ABCC6: variants seen among roughly 807,000 people sequenced by gnomAD.
ABCC6 encodes ATP-binding cassette sub-family C member 6.
A neutral mutation model predicts 169.5 loss-of-function variants in ABCC6; 126 were observed. The ratio of observed to expected loss-of-function variants is 0.74; its 90% CI spans 0.64 to 0.86. The LOEUF (loss-of-function observed/expected upper bound fraction) is 0.86. Among genes scored for constraint, ABCC6 ranks in the 40% least tolerant of loss-of-function variants. ABCC6 has a pLI of 0.00. For missense variants in ABCC6, 1,733 were observed against 1,927.2 expected (o/e 0.90, Z 1.89); for synonymous variants, 752 against 814.7 (o/e 0.92, Z 1.31).
Position 16,165,699 on chromosome 16 carries a change from C to G in ABCC6, c.3230G>C (p.Ser1077Thr), listed in dbSNP as rs1339178870. ...LMYAFGLLEV[S>T]LVVAVATPLA... Reference sequence around the variant, plus strand: ...TGGGGTAGCCACTGCCACCACCAGGCTGACCTCCAGGAGTCCAAAGGCGTA... The same window carrying G: ...TGGGGTAGCCACTGCCACCACCAGGGTGACCTCCAGGAGTCCAAAGGCGTA... The change falls in exon 23 of 31, where the codon AGC becomes ACC. Residue 1077 changes from serine to threonine, a missense_variant. Coordinates refer to ENST00000205557, the MANE Select transcript of ABCC6 (RefSeq NM_001171.6). 1 of 1,613,392 alleles carries G rather than the reference C, an allele frequency of 6.2e-7. No homozygotes were observed. The highest frequency in any genetic ancestry group is 8.5e-7 in the Non-Finnish European group (1 of 1,180,034).
intron 22 of ABCC6, among the ~76,000 whole-genome samples, chr16:16,167,868 T>C (rs904260492): frequency 3.3e-5 from 5 of 152,180 alleles, no homozygotes; most frequent in Non-Finnish European, 7.3e-5. Context: ...GACTTGCCCT[T>C]AGCTATCAAA....
chr16:16,219,230 G>C (rs2048991276), intron 4 of ABCC6, among the ~76,000 whole-genome samples: 1 of 147,526 alleles, frequency 6.8e-6, no homozygotes. Context: ...ACACAGGTGT[G>C]TCTGTGCCCA....
At chr16:16,181,058 C>G (rs746500072) in intron 17 of ABCC6, among the ~76,000 whole-genome samples, 1 of 152,104 alleles carries the variant, frequency 6.6e-6, no homozygotes, top group South Asian at 2.1e-4. Context: ...AATCCCAGCA[C>G]TTTGGGAGGC....
intron 24 of ABCC6, 70 bp downstream of exon 24, chr16:16,162,923 A>G: frequency 2.5e-6 from 4 of 1,597,016 alleles, no homozygotes; most frequent in East Asian, 2.2e-5. Flanking sequence ...ACCATACAAT[A>G]TGACCTCAGG....
intron 30 of ABCC6, 124 bp downstream of exon 30, chr16:16,150,454 C>T (rs916562135): frequency 1.0e-5 from 15 of 1,498,000 alleles, no homozygotes; most frequent in South Asian, 7.9e-5. Flanking sequence ...GCATTCCTCC[C>T]GCTCTGGCCC....
At chr16:16,190,863 TG>T (rs1024156577) in intron 11 of ABCC6, among the ~76,000 whole-genome samples, 4 of 120,566 alleles carry the variant, frequency 3.3e-5, no homozygotes, top group Non-Finnish European at 6.7e-5. Context: ...AGGCAGAGGA[TG>T]GGGGGATGGA....
At chr16:16,199,000 G>GA (rs11389909) in intron 9 of ABCC6, among the ~76,000 whole-genome samples, 68,630 of 118,908 alleles carry the variant, frequency 0.58, 20,929 homozygotes, top group South Asian at 0.68. Context: ...TTTCGGGGGG[G>GA]AAAAAAGAAA....
intron 25 of ABCC6, 54 bp from the exon 26 acceptor site, chr16:16,159,637 C>A (rs1482941830): frequency 1.3e-6 from 2 of 1,533,280 alleles, no homozygotes; most frequent in East Asian, 4.5e-5. Flanking sequence ...TGAGGGCTTG[C>A]AACAGCCCCC....
At chr16:16,208,985 G>A (rs2048499734) in intron 6 of ABCC6, 126 bp from the exon 7 acceptor site, 5 of 1,214,154 alleles carry the variant, frequency 4.1e-6, no homozygotes, top group Non-Finnish European at 5.8e-6. Context: ...TGGCCCCTGG[G>A]TAAAAAGAAA....
chr16:16,175,973 C>G lies in ABCC6; in HGVS notation c.2604G>C (p.Gly868=). 6.2e-7 allele frequency: 1 copy of G among 1,614,086 alleles called. No homozygotes were observed. Among genetic ancestry groups the G allele is most frequent in the Non-Finnish European group, 8.5e-7 (1 of 1,180,024 alleles). ...GDRGEGETEP[G]TSTKDPRGTS... ...TGCCTCTGGGGTCCTTGGTGCTGGT[C>G]CCAGGTTCTGTTTCTGCAAGGTCAA... is the stretch of plus-strand genomic sequence containing the variant. Residue 868 remains glycine (G), a synonymous_variant, in exon 20 of 31, where the codon GGG becomes GGC. Transcript: ENST00000205557.
chr16:16,164,209 T>C (rs930506768), intron 23 of ABCC6, among the ~76,000 whole-genome samples: 1 of 152,086 alleles, frequency 6.6e-6, no homozygotes, highest in African/African-American at 2.4e-5. Context: ...AATTTTTGTA[T>C]TTTTAGTAGA....
At chr16:16,157,535 G>A (rs1268267359) in intron 27 of ABCC6, 128 bp downstream of exon 27, 1 of 1,216,658 alleles carries the variant, frequency 8.2e-7, no homozygotes, top group African/African-American at 1.5e-5. Flanking sequence ...GGGGGTAATG[G>A]GTCTGAAAGC....
At chr16:16,157,023 A>C (rs919263265) in intron 27 of ABCC6, among the ~76,000 whole-genome samples, 3 of 150,082 alleles carry the variant, frequency 2.0e-5, no homozygotes, top group Admixed American at 1.3e-4. Flanking sequence ...GGGGACAAGG[A>C]GAGGACAGGG....
At chr16:16,195,319 T>TC (rs1288032366) in intron 10 of ABCC6, among the ~76,000 whole-genome samples, 2 of 146,636 alleles carry the variant, frequency 1.4e-5, no homozygotes, top group Non-Finnish European at 3.0e-5. Context: ...TTTTTTTTTT[T>TC]TTTTTTTTTT....
At chr16:16,165,515 C>T in intron 23 of ABCC6, 108 bp downstream of exon 23, 1 of 1,221,094 alleles carries the variant, frequency 8.2e-7, no homozygotes, top group East Asian at 2.4e-5. Flanking sequence ...GGAACAGCCC[C>T]TAGATGTCCA....
intron 19 of ABCC6, among the ~76,000 whole-genome samples, 187 bp downstream of exon 19, chr16:16,177,265 C>T (rs915453152): frequency 6.6e-6 from 1 of 152,218 alleles, no homozygotes; most frequent in Non-Finnish European, 1.5e-5. Flanking sequence ...ACCCCTGGCT[C>T]ATGGATGATG....
chr16:16,158,176 T>C (rs1350358044), intron 26 of ABCC6, among the ~76,000 whole-genome samples: 2 of 152,154 alleles, frequency 1.3e-5, no homozygotes, highest in Non-Finnish European at 2.9e-5. Context: ...TCTACCCCCT[T>C]GAGTCTTGGT....
At chr16:16,213,727 AT>A (rs2048737239) in intron 5 of ABCC6, among the ~76,000 whole-genome samples, 1 of 148,054 alleles carries the variant, frequency 6.8e-6, no homozygotes, top group East Asian at 2.0e-4. Flanking sequence ...TGCCTGGCTA[AT>A]TTTTGTAATT....
chr16:16,160,234 AACATGCTC>A (rs1378948707), intron 25 of ABCC6, among the ~76,000 whole-genome samples: 1 of 152,198 alleles, frequency 6.6e-6, no homozygotes, highest in Admixed American at 6.5e-5. Context: ...ACTGCCACCC[AACATGCTC>A]CAGCCTCTTA....
Sources: gnomAD v4.1 joint callset for allele counts (sites outside exome capture counted in the v4.1 genomes callset) on GRCh38, gnomAD v4.1.1 for gene constraint, MANE v1.5 for transcripts, NCBI Gene and HGNC (gene_info 2026-07-23, HGNC 2026-07-21) for gene names.